The following PPP1CB variants were observed in gnomAD, a reference collection of about 807,000 sequenced individuals.
PPP1CB encodes the protein protein phosphatase 1 catalytic subunit beta, also known as serine/threonine-protein phosphatase PP1-beta catalytic subunit.
PPP1CB carries 2 observed loss-of-function variants against 43.7 expected under a neutral mutation model. That is an observed-to-expected ratio of 0.05 (90% CI 0.02 to 0.14). The LOEUF (loss-of-function observed/expected upper bound fraction) is 0.14. Among genes scored for constraint, PPP1CB ranks in the 10% least tolerant of loss-of-function variants. The pLI, the probability that PPP1CB is intolerant of heterozygous loss-of-function variation, is 1.00. For missense variants in PPP1CB, 84 were observed against 398.0 expected (o/e 0.21, Z 6.71); for synonymous variants, 136 against 135.6 (o/e 1.00, Z -0.02).
intron 1 of PPP1CB, among the ~76,000 whole-genome samples, chr2:28,756,006 T>C (rs1666480473): frequency 6.6e-6 from 1 of 152,222 alleles, no homozygotes; most frequent in Non-Finnish European, 1.5e-5. Flanking sequence ...TTTTGATATA[T>C]TTTTGTTTAA....
chr2:28,784,559 TA>T, intron 5 of PPP1CB, among the ~76,000 whole-genome samples: 1 of 152,220 alleles, frequency 6.6e-6, no homozygotes, highest in East Asian at 1.9e-4. Context: ...ATACCTGGCT[TA>T]AATTTTTAGA....
chr2:28,772,525 A>G (rs751113733), intron 1 of PPP1CB, among the ~76,000 whole-genome samples: 5 of 152,208 alleles, frequency 3.3e-5, no homozygotes, highest in Admixed American at 6.5e-5. Context: ...TGACCCGAGC[A>G]GTTCTACTGC....
Position 28,776,870 on chromosome 2 carries a change from A to C in PPP1CB, c.72A>C (p.Gly24=). 1 of 1,612,408 alleles carries C rather than the reference A, an allele frequency of 6.2e-7. No individual in the cohort carries two copies. The highest frequency in any genetic ancestry group is 1.1e-5 in the South Asian group (1 of 90,924). ...RLLEVRGCRP[G]KIVQMTEAEV... ...TGTCAGTACGAGGATGTCGTCCAGG[A>C]AAGATTGTGCAGATGACTGAAGCAG... Residue 24 remains glycine, a synonymous_variant, in exon 2 of 8, where the codon GGA becomes GGC. Transcript: ENST00000395366.
rs899655055 is a variant in PPP1CB at position 28,751,952 on chromosome 2, C to G, written c.-173C>G. 4.5e-5 allele frequency: 30 copies of G among 661,280 alleles called. 1 individual carries two copies. The East Asian group carries it at 7.9e-4, about 17-fold the overall frequency. The allele number at this position is 661,280 out of a possible 1,614,324, so 41.0% of individuals were successfully genotyped here. A position where few individuals can be genotyped will look rare whatever the true frequency, so the allele number is the denominator to read the frequency against. On this transcript the variant is annotated 5_prime_UTR_variant, in exon 1 of 8. Coordinates refer to ENST00000395366, the MANE Select transcript of PPP1CB (RefSeq NM_002709.3). ...GGGTGCCTCCGAGTGTGCGCGCGCT[C>G]TCGCTACCCGGCGGGGAGGGGGTGG...
At chr2:28,754,191 C>T (rs1156502731) in intron 1 of PPP1CB, among the ~76,000 whole-genome samples, 1 of 151,954 alleles carries the variant, frequency 6.6e-6, no homozygotes, top group African/African-American at 2.4e-5. Flanking sequence ...AAATTAGACG[C>T]ACCTTTATAT....
At chr2:28,798,068 C>T (rs1667534153) in intron 7 of PPP1CB, among the ~76,000 whole-genome samples, 1 of 152,092 alleles carries the variant, frequency 6.6e-6, no homozygotes, top group African/African-American at 2.4e-5. Context: ...CAGCAGTTGT[C>T]ATAGTGGTGT....
At chr2:28,790,874 T>C (rs982307993) in intron 6 of PPP1CB, among the ~76,000 whole-genome samples, 2 of 152,218 alleles carry the variant, frequency 1.3e-5, no homozygotes, top group Non-Finnish European at 2.9e-5. Context: ...AAGTCGTCTT[T>C]ATCTACTTTT....
chr2:28,752,298 C>T, intron 1 of PPP1CB, 122 bp downstream of exon 1: 2 of 940,860 alleles, frequency 2.1e-6, no homozygotes, highest in South Asian at 1.8e-5. Context: ...TCTCTGGGAG[C>T]GCGGCGCGGC....
At chr2:28,794,711 A>AG (rs1253729279) in intron 7 of PPP1CB, among the ~76,000 whole-genome samples, 1 of 152,086 alleles carries the variant, frequency 6.6e-6, no homozygotes, top group Non-Finnish European at 1.5e-5. Context: ...TAGTTTCCTG[A>AG]GGAAAAAAAA....
intron 1 of PPP1CB, among the ~76,000 whole-genome samples, chr2:28,761,422 C>T (rs543097639): frequency 6.6e-6 from 1 of 152,294 alleles, no homozygotes; most frequent in South Asian, 2.1e-4. Context: ...GACACAGATT[C>T]TGGGTGTATT....
chr2:28,752,265 C>T lies in PPP1CB; in HGVS notation c.52+89C>T, dbSNP rs1022527230. 22 of 1,220,858 alleles carry T rather than the reference C, an allele frequency of 1.8e-5. No individual in the cohort carries two copies. The South Asian group carries it at 3.1e-4, about 17-fold the overall frequency. 75.6% of individuals were successfully genotyped at this position (1,220,858 alleles called of 1,614,324 possible). ...CGTCTGCCGCCGGAACGCGAGGGGACCCCTTTCCCGCCCCGAGACGAGTCT... is the reference window on the plus strand; with the variant it reads ...CGTCTGCCGCCGGAACGCGAGGGGATCCCTTTCCCGCCCCGAGACGAGTCT... On this transcript the variant is annotated intron_variant, in intron 1 of 7. Transcript: ENST00000395366.
intron 1 of PPP1CB, among the ~76,000 whole-genome samples, chr2:28,771,251 A>G (rs1666907428): frequency 6.6e-6 from 1 of 151,690 alleles, no homozygotes. Context: ...GCGGAGTTTC[A>G]CCATGTTGGC....
intron 3 of PPP1CB, 24 bp from the exon 4 acceptor site, chr2:28,781,714 T>A (rs781622494): frequency 6.7e-7 from 1 of 1,495,814 alleles, no homozygotes; most frequent in Non-Finnish European, 9.2e-7. Flanking sequence ...ATTTTTTAAT[T>A]TATTCTATCT....
chr2:28,782,096 TC>T (rs1667167035), intron 4 of PPP1CB: 1 of 421,148 alleles, frequency 2.4e-6, no homozygotes, highest in East Asian at 5.0e-5. Flanking sequence ...CTCCTTTGCC[TC>T]AAGTTTTAAC....
chr2:28,796,414 A>G (rs534940414), intron 7 of PPP1CB, among the ~76,000 whole-genome samples: 15 of 152,316 alleles, frequency 9.8e-5, no homozygotes, highest in African/African-American at 3.6e-4. Flanking sequence ...TGATTCTTCT[A>G]TCCATGAGCA....
intron 4 of PPP1CB, chr2:28,782,435 T>C (rs1242244504): frequency 1.3e-5 from 2 of 152,782 alleles, no homozygotes; most frequent in Non-Finnish European, 2.9e-5. Context: ...GTTGCTAAGA[T>C]ACATTTATGA....
chr2:28,762,488 T>C (rs938578041), intron 1 of PPP1CB, among the ~76,000 whole-genome samples: 2 of 152,194 alleles, frequency 1.3e-5, no homozygotes, highest in Non-Finnish European at 1.5e-5. Flanking sequence ...TAGTTGAATA[T>C]GAAGAAAGTC....
intron 5 of PPP1CB, among the ~76,000 whole-genome samples, chr2:28,788,003 A>T (rs1402317406): frequency 7.9e-5 from 12 of 152,128 alleles, no homozygotes; most frequent in Admixed American, 7.9e-4. Flanking sequence ...AAAAATCCTC[A>T]GGGTCTCAGT....
chr2:28,787,066 G>T (rs184801058), intron 5 of PPP1CB, among the ~76,000 whole-genome samples: 21 of 152,274 alleles, frequency 1.4e-4, no homozygotes, highest in South Asian at 1.0e-3. Flanking sequence ...ATCAAGATAT[G>T]ATGTACTGTA....
Sources: allele counts gnomAD v4.1 joint callset (sites outside exome capture counted in the v4.1 genomes callset), GRCh38; gene constraint gnomAD v4.1.1; transcripts MANE v1.5; gene names NCBI Gene and HGNC (gene_info 2026-07-23, HGNC 2026-07-21).